Variants in RALYL observed in about 807,000 individuals in gnomAD.
RALYL encodes the protein RNA-binding Raly-like protein.
A neutral mutation model predicts 35.1 loss-of-function variants in RALYL; 29 were observed. The ratio of observed to expected loss-of-function variants is 0.83; its 90% confidence interval spans 0.61 to 1.13. RALYL has a LOEUF of 1.13. Ranked by LOEUF, RALYL falls within the 50% of genes most tolerant of loss-of-function variation. The probability of loss-of-function intolerance (pLI) is 0.00; values close to 1 mark genes in which losing one functional copy is unlikely to be tolerated. For synonymous variants in RALYL, 120 were observed against 127.6 expected, an observed-to-expected ratio of 0.94 and a Z score of 0.40; for missense variants, 359 against 360.4, an observed-to-expected ratio of 1.00 and a Z score of 0.03.
chr8:84,375,882 A>G (rs1159629604), intron 1 of RALYL, among the ~76,000 whole-genome samples: 1 of 151,842 alleles, frequency 6.6e-6, no homozygotes, highest in East Asian at 1.9e-4. Context: ...TGATTGAGAA[A>G]CACAACTGCC....
At chr8:84,861,137 TTAAAG>T (rs943733837) in intron 5 of RALYL, among the ~76,000 whole-genome samples, 2 of 152,170 alleles carry the variant, frequency 1.3e-5, no homozygotes, top group Non-Finnish European at 1.5e-5. Context: ...ATTGACTGTT[TTAAAG>T]TAATTATAAG....
intron 1 of RALYL, among the ~76,000 whole-genome samples, chr8:84,382,241 A>C (rs1443412790): frequency 6.6e-6 from 1 of 151,458 alleles, no homozygotes; most frequent in East Asian, 1.9e-4. Context: ...AAAAAAAAAA[A>C]AAAAACTGCA....
chr8:84,750,961 C>T (rs1018556219), intron 2 of RALYL, among the ~76,000 whole-genome samples: 1 of 152,068 alleles, frequency 6.6e-6, no homozygotes, highest in Non-Finnish European at 1.5e-5. Flanking sequence ...TTCTTCCCTG[C>T]ATTTATCTTG....
chr8:84,706,188 AC>A, intron 2 of RALYL: 2 of 842,724 alleles, frequency 2.4e-6, no homozygotes, highest in East Asian at 5.4e-5. Flanking sequence ...AGCTTTTCTC[AC>A]CCTAACCTTT....
At chr8:84,469,809 C>T (rs1032506496) in intron 1 of RALYL, among the ~76,000 whole-genome samples, 2 of 151,788 alleles carry the variant, frequency 1.3e-5, no homozygotes, top group African/African-American at 4.8e-5. Flanking sequence ...GGCATAGGAC[C>T]CTCCGAGCCA....
chr8:84,265,606 G>A (rs1004710319), intron 1 of RALYL, among the ~76,000 whole-genome samples: 1 of 151,314 alleles, frequency 6.6e-6, no homozygotes, highest in Non-Finnish European at 1.5e-5. Context: ...ACAGCCATGT[G>A]AAACTGATTT....
At chr8:84,619,969 A>T (rs892847137) in intron 2 of RALYL, among the ~76,000 whole-genome samples, 22 of 152,024 alleles carry the variant, frequency 1.4e-4, no homozygotes, top group Non-Finnish European at 2.5e-4. Context: ...ATCCGCTGTT[A>T]GTCTGATGGG....
chr8:84,310,938 T>G (rs1271145444), intron 1 of RALYL, among the ~76,000 whole-genome samples: 1 of 143,564 alleles, frequency 7.0e-6, no homozygotes, highest in African/African-American at 2.6e-5. Flanking sequence ...TCCCAGCTAC[T>G]CGGGAGGCTG....
chr8:84,195,642 C>T (rs1259868237), intron 1 of RALYL, among the ~76,000 whole-genome samples: 3 of 152,104 alleles, frequency 2.0e-5, no homozygotes, highest in Non-Finnish European at 4.4e-5. Context: ...TTCTTTCTCC[C>T]CTTTCTAGTG....
chr8:84,467,556 C>T (rs1396967600), intron 1 of RALYL, among the ~76,000 whole-genome samples: 6 of 149,660 alleles, frequency 4.0e-5, no homozygotes, highest in African/African-American at 1.5e-4. Flanking sequence ...GAGAGCTTTA[C>T]TTCCAAGTAT....
At chr8:84,262,181 G>A (rs1832438708) in intron 1 of RALYL, among the ~76,000 whole-genome samples, 2 of 152,124 alleles carry the variant, frequency 1.3e-5, no homozygotes, top group Admixed American at 6.5e-5. Flanking sequence ...ATTAATTTTA[G>A]TGTTTAAAGC....
At chr8:84,648,896 T>C (rs1828085764) in intron 2 of RALYL, among the ~76,000 whole-genome samples, 1 of 151,650 alleles carries the variant, frequency 6.6e-6, no homozygotes, top group Admixed American at 6.6e-5. Flanking sequence ...TCTGAGAAGA[T>C]TTTCTCACCA....
At chr8:84,920,715 T>A (rs1168383963) in intron 8 of RALYL, among the ~76,000 whole-genome samples, 179 bp from the exon 9 acceptor site, 1 of 152,064 alleles carries the variant, frequency 6.6e-6, no homozygotes, top group Non-Finnish European at 1.5e-5. Flanking sequence ...TAATTATAGA[T>A]TTGCCTACAA....
At position 84,625,965 on chromosome 8, in the gene RALYL, C is replaced by T. The variant is rs1299876022; in HGVS notation, c.256+96388C>T. Among the ~76,000 whole-genome samples, 7 of 151,502 alleles carry T rather than the reference C, an allele frequency of 4.6e-5. No homozygotes were observed. The East Asian group carries it at 5.8e-4, about 13-fold the overall frequency. On this transcript the variant is annotated intron_variant, in intron 2 of 8. Transcript: ENST00000521268. Reference sequence around the variant, plus strand: ...GTGGGAAGTGATAAAAAGAGAAACACGCTAAAAGGTAATTCAGAGACAGGG... The same window carrying T: ...GTGGGAAGTGATAAAAAGAGAAACATGCTAAAAGGTAATTCAGAGACAGGG...
At chr8:84,539,642 T>G (rs2059854774) in intron 2 of RALYL, among the ~76,000 whole-genome samples, 1 of 151,894 alleles carries the variant, frequency 6.6e-6, no homozygotes, top group African/African-American at 2.4e-5. Context: ...GACTTTTGTA[T>G]TGGTTTTACT....
At chr8:84,261,695 T>C (rs1832340649) in intron 1 of RALYL, among the ~76,000 whole-genome samples, 1 of 152,166 alleles carries the variant, frequency 6.6e-6, no homozygotes, top group Non-Finnish European at 1.5e-5. Flanking sequence ...TCAATATGAA[T>C]CCAAATCATC....
chr8:84,282,812 G>A (rs555297506), intron 1 of RALYL, among the ~76,000 whole-genome samples: 1 of 151,164 alleles, frequency 6.6e-6, no homozygotes. Context: ...TATAAAATCA[G>A]TTGAGTATAT....
intron 1 of RALYL, among the ~76,000 whole-genome samples, chr8:84,322,464 T>C (rs1184174782): frequency 2.0e-5 from 3 of 152,170 alleles, no homozygotes; most frequent in East Asian, 1.9e-4. Flanking sequence ...GCACATTATA[T>C]ACATGACTTG....
rs576324916 is a variant in RALYL at position 84,214,887 on chromosome 8, AT to A, written c.-24+30473del. ...ATCATTTTTCTAGTAATTAACTTTT[AT>A]TTTTTTTTTAATTTTTATATATTTA... On this transcript the variant is annotated intron_variant, in intron 1 of 8. Transcript: ENST00000521268. Among the ~76,000 whole-genome samples the A allele has an allele frequency of 5.2e-3, 779 of 148,458 alleles. 4 individuals carry two copies. The highest frequency in any genetic ancestry group is 8.0e-3 in the Non-Finnish European group (533 of 66,792).
Sources: gnomAD v4.1 joint callset for allele counts (sites outside exome capture counted in the v4.1 genomes callset) on GRCh38, gnomAD v4.1.1 for gene constraint, MANE v1.5 for transcripts, NCBI Gene and HGNC (gene_info 2026-07-23, HGNC 2026-07-21) for gene names.